Variants in PAICS observed in about 807,000 individuals in gnomAD.
PAICS encodes the protein phosphoribosylaminoimidazole carboxylase and phosphoribosylaminoimidazolesuccinocarboxamide synthase, also known as bifunctional phosphoribosylaminoimidazole carboxylase/phosphoribosylaminoimidazole succinocarboxamide synthetase.
Under a neutral mutation model 53.7 loss-of-function variants are expected in PAICS, and 33 were observed. The ratio of observed to expected loss-of-function variants is 0.61; its 90% CI spans 0.47 to 0.82. The LOEUF (loss-of-function observed/expected upper bound fraction) is 0.82. Ranked by LOEUF, PAICS falls within the 40% of genes least tolerant of loss-of-function variation. The probability of loss-of-function intolerance (pLI) is 0.00; values close to 1 mark genes in which losing one functional copy is unlikely to be tolerated. For missense variants in PAICS, 394 were observed against 494.1 expected, an observed-to-expected ratio of 0.80 and a Z score of 1.92; for synonymous variants, 141 against 167.2, an observed-to-expected ratio of 0.84 and a Z score of 1.21.
chr4:56,447,425 G>C (rs898460788), intron 3 of PAICS, among the ~76,000 whole-genome samples: 19 of 151,954 alleles, frequency 1.3e-4, no homozygotes, highest in African/African-American at 4.6e-4. Flanking sequence ...TGTAAAGTTG[G>C]GACACTGCTG....
intron 8 of PAICS, among the ~76,000 whole-genome samples, chr4:56,456,087 ATTGAGT>A (rs1313418792): frequency 2.0e-5 from 3 of 151,712 alleles, no homozygotes; most frequent in African/African-American, 7.3e-5. Context: ...CAACCCTTCT[ATTGAGT>A]TTTTCTTTTT....
At chr4:56,419,014 C>G in the PAICS span, among the ~76,000 whole-genome samples, 3 of 152,220 alleles carry the variant, frequency 2.0e-5, no homozygotes, top group Non-Finnish European at 4.4e-5. Context: ...ACTGATTGTT[C>G]TGTGTGACTC....
the PAICS span, among the ~76,000 whole-genome samples, chr4:56,417,834 G>GTTTT: frequency 2.5e-4 from 28 of 111,216 alleles, no homozygotes; most frequent in African/African-American, 9.5e-4. Context: ...TTGAAGATTT[G>GTTTT]GTTTTTTGTT....
the PAICS span, chr4:56,422,334 A>G: frequency 1.3e-5 from 2 of 152,114 alleles, no homozygotes; most frequent in Non-Finnish European, 2.9e-5. Flanking sequence ...TAAAAAGCCA[A>G]TATATATCCC....
chr4:56,435,853 A>G, upstream of PAICS: 1 of 1,488,994 alleles, frequency 6.7e-7, no homozygotes, highest in Non-Finnish European at 9.0e-7. Flanking sequence ...TAACGGACTT[A>G]ACCTCATTTC....
At chr4:56,433,013 A>G (rs1313892158), upstream of PAICS, among the ~76,000 whole-genome samples, 1 of 150,738 alleles carries the variant, frequency 6.6e-6, no homozygotes, top group African/African-American at 2.4e-5. Flanking sequence ...ATATATATAT[A>G]AAACTAAACT....
At chr4:56,414,884 T>C in the PAICS span, among the ~76,000 whole-genome samples, 1 of 152,328 alleles carries the variant, frequency 6.6e-6, no homozygotes, top group Admixed American at 6.5e-5. Flanking sequence ...CTCGACAACA[T>C]TTTAGCCTAA....
upstream of PAICS, chr4:56,435,659 C>T: frequency 1.4e-6 from 2 of 1,439,624 alleles, no homozygotes; most frequent in Non-Finnish European, 1.8e-6. Context: ...CAGCTCAGCC[C>T]TGCTCCTCCC....
At chr4:56,416,060 ACT>A in the PAICS span, among the ~76,000 whole-genome samples, 55 of 90,106 alleles carry the variant, frequency 6.1e-4, 1 homozygote, top group African/African-American at 1.9e-3. Context: ...ACAGAGTAAG[ACT>A]CTGTCTCAAA....
the PAICS span, among the ~76,000 whole-genome samples, chr4:56,417,834 G>GTTTTTTTT: frequency 9.0e-6 from 1 of 111,162 alleles, no homozygotes; most frequent in African/African-American, 3.5e-5. Context: ...TTGAAGATTT[G>GTTTTTTTT]GTTTTTTGTT....
chr4:56,436,585 T>C, intron 1 of PAICS: 1 of 696,878 alleles, frequency 1.4e-6, no homozygotes, highest in Non-Finnish European at 2.6e-6. Flanking sequence ...TTATTTATAA[T>C]CAATAGCTAT....
the PAICS span, among the ~76,000 whole-genome samples, chr4:56,418,501 TG>T: frequency 6.6e-6 from 1 of 151,966 alleles, no homozygotes; most frequent in Non-Finnish European, 1.5e-5. Context: ...TGCATTTTTT[TG>T]TAGATACAGG....
At chr4:56,433,862 T>C (rs967051605), upstream of PAICS, among the ~76,000 whole-genome samples, 1 of 152,124 alleles carries the variant, frequency 6.6e-6, no homozygotes, top group African/African-American at 2.4e-5. Context: ...ACCCAGCTAA[T>C]TGTATTTTTA....
the PAICS span, among the ~76,000 whole-genome samples, chr4:56,412,070 T>C: frequency 6.6e-6 from 1 of 152,158 alleles, no homozygotes; most frequent in African/African-American, 2.4e-5. Flanking sequence ...GATTAATAAA[T>C]AAGTAAATCA....
intron 7 of PAICS, among the ~76,000 whole-genome samples, chr4:56,452,327 C>G (rs1006299300): frequency 9.9e-5 from 15 of 152,096 alleles, no homozygotes; most frequent in Non-Finnish European, 1.5e-5. Context: ...TACAGGCGCC[C>G]ACCACCATGC....
rs1197559553 is a variant in PAICS, at chr4:56,462,182, C to G, written c.*2644C>G. On this transcript the variant is annotated 3_prime_UTR_variant, in exon 9 of 9. Transcript: ENST00000512576. ...AAGAGGGGAAGGTTTTTGAGGAGAGCAGAGCAATGATGTAAAAGCAAGACA... is the reference window on the plus strand; with the variant it reads ...AAGAGGGGAAGGTTTTTGAGGAGAGGAGAGCAATGATGTAAAAGCAAGACA... 1.3e-5 allele frequency: 2 copies of G among 152,102 alleles called. No individual in the cohort carries two copies. The highest frequency in any genetic ancestry group is 3.9e-4 in the East Asian group (2 of 5,194). 9.4% of individuals were successfully genotyped at this position (152,102 alleles called of 1,614,324 possible). A position where few individuals can be genotyped will look rare whatever the true frequency, so the allele number is the denominator to read the frequency against.
upstream of PAICS, among the ~76,000 whole-genome samples, chr4:56,434,321 T>C (rs949200083): frequency 1.4e-4 from 22 of 152,230 alleles, no homozygotes; most frequent in Non-Finnish European, 2.9e-4. Context: ...GGAATGCGTT[T>C]ATACGTGTTG....
At chr4:56,435,755 C>T, upstream of PAICS, 1 of 1,493,588 alleles carries the variant, frequency 6.7e-7, no homozygotes, top group South Asian at 1.3e-5. Flanking sequence ...TGGAGCTAGC[C>T]TTCCCCTAAG....
chr4:56,430,716 G>A, the PAICS span, among the ~76,000 whole-genome samples: 1 of 149,910 alleles, frequency 6.7e-6, no homozygotes, highest in Non-Finnish European at 1.5e-5. Context: ...AGGTTAAACT[G>A]CTAAGGGTTA....
Sources: gnomAD v4.1 joint callset for allele counts (sites outside exome capture counted in the v4.1 genomes callset) on GRCh38, gnomAD v4.1.1 for gene constraint, MANE v1.5 for transcripts, NCBI Gene and HGNC (gene_info 2026-07-23, HGNC 2026-07-21) for gene names.